The following GPC5 variants were observed in gnomAD, a reference collection of about 807,000 sequenced individuals.
GPC5 encodes the protein glypican-5.
In GPC5, 47 loss-of-function variants were observed where a neutral mutation model predicts 53.9. The ratio of observed to expected loss-of-function variants is 0.87; its 90% confidence interval spans 0.69 to 1.11. GPC5 has a LOEUF of 1.11. Ranked by LOEUF, GPC5 falls within the 50% of genes most tolerant of loss-of-function variation. The probability of loss-of-function intolerance (pLI) is 0.00; values close to 1 mark genes in which losing one functional copy is unlikely to be tolerated. For synonymous variants in GPC5, 286 were observed against 263.3 expected (o/e 1.09, Z -0.84); for missense variants, 748 against 713.1 (o/e 1.05, Z -0.56).
At chr13:91,881,173 A>G (rs994613367) in intron 5 of GPC5, among the ~76,000 whole-genome samples, 9 of 152,136 alleles carry the variant, frequency 5.9e-5, no homozygotes, top group African/African-American at 2.2e-4. Context: ...TTAACACTTT[A>G]TATTTTATTC....
At chr13:91,802,723 C>T (rs2038156038) in intron 5 of GPC5, among the ~76,000 whole-genome samples, 1 of 152,188 alleles carries the variant, frequency 6.6e-6, no homozygotes, top group African/African-American at 2.4e-5. Flanking sequence ...GCCAGCTTCA[C>T]CTTTCACTAG....
intron 2 of GPC5, among the ~76,000 whole-genome samples, chr13:91,483,600 C>T (rs1002998137): frequency 1.3e-5 from 2 of 152,076 alleles, no homozygotes; most frequent in Non-Finnish European, 2.9e-5. Flanking sequence ...ATTAAGCCTG[C>T]CCACTGACAT....
intron 2 of GPC5, among the ~76,000 whole-genome samples, chr13:91,631,795 G>A (rs575322149): frequency 7.9e-5 from 12 of 152,196 alleles, no homozygotes; most frequent in African/African-American, 2.9e-4. Flanking sequence ...AATAGTAAAA[G>A]AATAAGACAA....
intron 5 of GPC5, among the ~76,000 whole-genome samples, chr13:91,893,591 T>TGTA (rs1282140159): frequency 6.6e-6 from 1 of 152,106 alleles, no homozygotes; most frequent in African/African-American, 2.4e-5. Context: ...ATTTTGGTCA[T>TGTA]AAGATAGTAA....
intron 2 of GPC5, among the ~76,000 whole-genome samples, chr13:91,635,441 T>A (rs746862219): frequency 3.9e-5 from 6 of 152,132 alleles, no homozygotes; most frequent in Non-Finnish European, 8.8e-5. Flanking sequence ...ATGTGAAATA[T>A]GAATGTGCTG....
chr13:91,499,934 A>G (rs1014217491), intron 2 of GPC5, among the ~76,000 whole-genome samples: 10 of 152,256 alleles, frequency 6.6e-5, no homozygotes, highest in Non-Finnish European at 7.3e-5. Context: ...AGTGAGCTGC[A>G]TGAGAGCAGT....
chr13:92,303,204 A>G (rs944010764), intron 7 of GPC5, among the ~76,000 whole-genome samples: 3 of 152,084 alleles, frequency 2.0e-5, no homozygotes, highest in African/African-American at 7.2e-5. Context: ...TAGGGGCAAC[A>G]GTGGTTGGGC....
At chr13:91,413,039 T>C (rs1877923811) in intron 1 of GPC5, among the ~76,000 whole-genome samples, 1 of 152,146 alleles carries the variant, frequency 6.6e-6, no homozygotes, top group South Asian at 2.1e-4. Flanking sequence ...CTGAGCACTT[T>C]GGGAGGCCAA....
chr13:91,402,814 C>G (rs1215351516), intron 1 of GPC5, among the ~76,000 whole-genome samples: 3 of 152,124 alleles, frequency 2.0e-5, no homozygotes, highest in Non-Finnish European at 2.9e-5. Flanking sequence ...GGTTTCAAGT[C>G]AGAAATGATT....
At chr13:92,647,121 C>T (rs976034554) in intron 7 of GPC5, among the ~76,000 whole-genome samples, 1 of 151,826 alleles carries the variant, frequency 6.6e-6, no homozygotes, top group Non-Finnish European at 1.5e-5. Context: ...TTCTTCTTCC[C>T]TTATTATTTT....
intron 7 of GPC5, among the ~76,000 whole-genome samples, chr13:92,598,823 C>T (rs1883956107): frequency 6.6e-6 from 1 of 152,134 alleles, no homozygotes; most frequent in African/African-American, 2.4e-5. Context: ...TCGAGACCAA[C>T]CTGACCAACA....
chr13:92,426,865 T>G (rs1876859118), intron 7 of GPC5, among the ~76,000 whole-genome samples: 1 of 151,970 alleles, frequency 6.6e-6, no homozygotes, highest in Non-Finnish European at 1.5e-5. Context: ...TCTACTTAAC[T>G]GTAGAGAATT....
chr13:92,130,326 A>G (rs934396340), intron 6 of GPC5, among the ~76,000 whole-genome samples: 1 of 151,516 alleles, frequency 6.6e-6, no homozygotes, highest in African/African-American at 2.4e-5. Flanking sequence ...TAGAGGAAGC[A>G]ATGATGTTAA....
intron 4 of GPC5, among the ~76,000 whole-genome samples, chr13:91,740,261 G>A (rs1434322419): frequency 6.6e-6 from 1 of 152,162 alleles, no homozygotes; most frequent in East Asian, 1.9e-4. Flanking sequence ...AGTGAAGGCA[G>A]GATTACAGTA....
chr13:91,553,402 C>T (rs1043064210), intron 2 of GPC5, among the ~76,000 whole-genome samples: 2 of 151,972 alleles, frequency 1.3e-5, no homozygotes, highest in African/African-American at 2.4e-5. Context: ...ACTCCTTCTC[C>T]TTTATTTTTT....
intron 7 of GPC5, among the ~76,000 whole-genome samples, chr13:92,157,093 A>C (rs2041950400): frequency 6.6e-6 from 1 of 152,210 alleles, no homozygotes; most frequent in Non-Finnish European, 1.5e-5. Context: ...ATATTAATTC[A>C]TACTTGCACC....
At chr13:91,858,355 T>C (rs1566307352) in intron 5 of GPC5, among the ~76,000 whole-genome samples, 1 of 151,974 alleles carries the variant, frequency 6.6e-6, no homozygotes, top group Admixed American at 6.6e-5. Context: ...ATACAGTTTT[T>C]TGAAGATTAT....
At chr13:92,590,404 A>T (rs554217470) in intron 7 of GPC5, among the ~76,000 whole-genome samples, 1 of 152,316 alleles carries the variant, frequency 6.6e-6, no homozygotes, top group African/African-American at 2.4e-5. Flanking sequence ...GTTCCTATGC[A>T]GCTAAGCTAG....
rs534402812 is a variant in GPC5 at position 92,559,808 on chromosome 13, TG to T, written c.1562-306473del. Among the ~76,000 whole-genome samples, 28 of 151,676 alleles carry T rather than the reference TG, an allele frequency of 1.8e-4. 1 individual carries two copies. In the Middle Eastern group the frequency reaches 0.014, roughly 74 times the overall value. ...GTCCCATTTGGTATCTCATGTCTGC[TG>T]CCTACAGGGCCTGTGAGCACAATAA... On this transcript the variant is annotated intron_variant, in intron 7 of 7. Transcript: ENST00000377067.
Sources: gnomAD v4.1 joint callset for allele counts (sites outside exome capture counted in the v4.1 genomes callset) on GRCh38, gnomAD v4.1.1 for gene constraint, MANE v1.5 for transcripts, NCBI Gene and HGNC (gene_info 2026-07-23, HGNC 2026-07-21) for gene names.